ADGRV1: variants seen among roughly 807,000 people sequenced by gnomAD.
The protein encoded by ADGRV1 is G-protein coupled receptor 98.
A neutral mutation model predicts 596.2 loss-of-function variants in ADGRV1; 359 were observed. The ratio of observed to expected loss-of-function variants is 0.60; its 90% CI spans 0.55 to 0.66. The LOEUF (loss-of-function observed/expected upper bound fraction) is 0.66. Among genes scored for constraint, ADGRV1 ranks in the 30% least tolerant of loss-of-function variants. The pLI is 0.00. For missense variants in ADGRV1, 7,274 were observed against 7,575.6 expected (o/e 0.96, Z 1.48); for synonymous variants, 2,681 against 2,679.2 (o/e 1.00, Z -0.02).
chr5:90,630,793 C>CTT (rs1765398582), intron 9 of ADGRV1, among the ~76,000 whole-genome samples: 2 of 152,006 alleles, frequency 1.3e-5, no homozygotes, highest in South Asian at 4.1e-4. Flanking sequence ...CTGATTGTCC[C>CTT]TTTTCTGTAT....
At chr5:90,598,755 A>G (rs978422420) in intron 1 of ADGRV1, among the ~76,000 whole-genome samples, 1 of 152,232 alleles carries the variant, frequency 6.6e-6, no homozygotes, top group Non-Finnish European at 1.5e-5. Context: ...AGTGTGATGC[A>G]TGGCGTCTTG....
At chr5:91,066,467 G>C (rs770416631) in intron 85 of ADGRV1, among the ~76,000 whole-genome samples, 43 of 152,154 alleles carry the variant, frequency 2.8e-4, no homozygotes, top group Admixed American at 3.9e-4. Context: ...AAGTATTTGG[G>C]AGAAATTTTA....
At chr5:91,098,276 C>G (rs569057453) in intron 86 of ADGRV1, among the ~76,000 whole-genome samples, 34 of 150,044 alleles carry the variant, frequency 2.3e-4, no homozygotes, top group African/African-American at 8.3e-4. Flanking sequence ...AACATGCCCC[C>G]CAACCAACTT....
intron 83 of ADGRV1, among the ~76,000 whole-genome samples, chr5:90,935,599 A>T (rs1015251497): frequency 9.2e-5 from 14 of 152,238 alleles, no homozygotes; most frequent in African/African-American, 3.1e-4. Flanking sequence ...GTGGCATGTG[A>T]CTTTCTAATA....
chr5:91,052,470 C>T (rs571203811), intron 85 of ADGRV1, among the ~76,000 whole-genome samples: 13 of 149,136 alleles, frequency 8.7e-5, no homozygotes, highest in African/African-American at 2.7e-4. Context: ...TTTGCTCTGT[C>T]GCCCAGGCTG....
At chr5:91,005,788 A>G (rs1321595005) in intron 85 of ADGRV1, among the ~76,000 whole-genome samples, 1 of 152,108 alleles carries the variant, frequency 6.6e-6, no homozygotes, top group East Asian at 1.9e-4. Context: ...TCAAATCCTC[A>G]TGATCTTGAG....
rs921126309 is a variant in ADGRV1 at position 90,728,497 on chromosome 5, G to C, written c.10162-172G>C. On this transcript the variant is annotated intron_variant, in intron 48 of 89. Transcript: ENST00000405460. ...TATATGTGCACACTCACACAGATTAGATAAGGGAGAGAGCAGCAAGGGAGC... is the reference window on the plus strand; with the variant it reads ...TATATGTGCACACTCACACAGATTACATAAGGGAGAGAGCAGCAAGGGAGC... Among the ~76,000 whole-genome samples, 20 of 152,284 alleles carry C rather than the reference G, an allele frequency of 1.3e-4. 1 individual carries two copies. Among genetic ancestry groups the C allele is most frequent in the African/African-American group, 4.8e-4 (20 of 41,564 alleles).
chr5:90,995,336 G>A (rs1781324933), intron 85 of ADGRV1, among the ~76,000 whole-genome samples: 1 of 152,120 alleles, frequency 6.6e-6, no homozygotes, highest in Non-Finnish European at 1.5e-5. Flanking sequence ...TGGGACTGAA[G>A]CTTTGAAAGA....
intron 83 of ADGRV1, among the ~76,000 whole-genome samples, chr5:90,906,490 T>C (rs144459491): frequency 0.019 from 2,943 of 152,242 alleles, 86 homozygotes; most frequent in African/African-American, 0.068. Flanking sequence ...CCATTTCTTC[T>C]AGATTTTCCA....
intron 73 of ADGRV1, among the ~76,000 whole-genome samples, chr5:90,809,810 GAAGA>G (rs1244460817): frequency 1.6e-4 from 24 of 152,200 alleles, no homozygotes; most frequent in Non-Finnish European, 2.4e-4. Context: ...ACTGGCAGCT[GAAGA>G]AAGCAAGGAT....
intron 75 of ADGRV1, among the ~76,000 whole-genome samples, chr5:90,816,022 A>C (rs887373102): frequency 4.6e-5 from 7 of 152,200 alleles, no homozygotes; most frequent in African/African-American, 1.7e-4. Context: ...CTCTACATAC[A>C]TACCATTTTC....
chr5:90,618,725 A>G (rs981677383), intron 3 of ADGRV1, among the ~76,000 whole-genome samples: 6 of 152,112 alleles, frequency 3.9e-5, no homozygotes, highest in Admixed American at 6.5e-5. Flanking sequence ...TAGCATAGGA[A>G]AAATTACATT....
rs756091290 is a variant in ADGRV1 at position 90,704,373 on chromosome 5, T to C, written c.8287-16T>C. ...CAATAACGACAGCGGGATTGATTTC[T>C]TTCTGTATGACATAGGGGTCGTTGA... is the stretch of plus-strand genomic sequence containing the variant. On this transcript the variant is annotated splice_polypyrimidine_tract_variant and intron_variant, in intron 35 of 89. Coordinates refer to ENST00000405460, the MANE Select transcript of ADGRV1 (RefSeq NM_032119.4). The C allele has an allele frequency of 3.8e-5, 57 of 1,486,956 alleles. No individual in the cohort carries two copies. Among genetic ancestry groups the C allele is most frequent in the Non-Finnish European group, 1.8e-6 (2 of 1,088,800 alleles). 92.1% of individuals were successfully genotyped at this position (1,486,956 alleles called of 1,614,324 possible).
At chr5:90,709,704 ATTGTTTGAATAAATTCAGTTCTT>A (rs1452947637) in intron 39 of ADGRV1, among the ~76,000 whole-genome samples, 2 of 152,226 alleles carry the variant, frequency 1.3e-5, no homozygotes, top group Non-Finnish European at 2.9e-5. Context: ...TTTCTAACCT[ATTGTTTGAATAAATTCAGTTCTT>A]TTGCTAAAGA....
chr5:90,984,086 C>T (rs12186968), intron 84 of ADGRV1, among the ~76,000 whole-genome samples: 35,964 of 152,090 alleles, frequency 0.24, 4,662 homozygotes, highest in Non-Finnish European at 0.3. Flanking sequence ...TTACATGTAA[C>T]ATCTCATTTA....
At position 90,617,964 on chromosome 5, in the gene ADGRV1, GTTTCCTCCTTATAAAAA is replaced by G. The variant is rs1763579817; in HGVS notation, c.357+14_357+30del. The stretch of plus-strand genomic sequence containing the variant: ...CACTTAACATTACAGGTAAGTCCGT[GTTTCCTCCTTATAAAAA>G]TTATAAGGAGGACTTATAAAACTTA... On this transcript the variant is annotated intron_variant, in intron 3 of 89. Coordinates refer to ENST00000405460, the MANE Select transcript of ADGRV1 (RefSeq NM_032119.4). 1 of 1,526,754 alleles carries G rather than the reference GTTTCCTCCTTATAAAAA, an allele frequency of 6.5e-7. No homozygotes were observed. The highest frequency in any genetic ancestry group is 8.8e-7 in the Non-Finnish European group (1 of 1,136,246). 94.6% of individuals were successfully genotyped at this position (1,526,754 alleles called of 1,614,324 possible).
chr5:90,797,699 T>C (rs1760902162), intron 70 of ADGRV1, among the ~76,000 whole-genome samples: 1 of 152,216 alleles, frequency 6.6e-6, no homozygotes, highest in Non-Finnish European at 1.5e-5. Context: ...TCGTCGCACT[T>C]ATTCTAAAAT....
At chr5:90,984,983 G>A (rs1372444003) in intron 84 of ADGRV1, among the ~76,000 whole-genome samples, 1 of 152,158 alleles carries the variant, frequency 6.6e-6, no homozygotes, top group Non-Finnish European at 1.5e-5. Context: ...TTATCACCTG[G>A]AAGTTAATGT....
At chr5:91,103,822 T>C (rs961656602) in intron 87 of ADGRV1, among the ~76,000 whole-genome samples, 14 of 151,982 alleles carry the variant, frequency 9.2e-5, no homozygotes, top group African/African-American at 3.1e-4. Flanking sequence ...GAGTGTATGG[T>C]TAGAGATGGG....
Sources: allele counts gnomAD v4.1 joint callset (sites outside exome capture counted in the v4.1 genomes callset), GRCh38; gene constraint gnomAD v4.1.1; transcripts MANE v1.5; gene names NCBI Gene and HGNC (gene_info 2026-07-23, HGNC 2026-07-21).